BCAS3: variants seen among roughly 807,000 people sequenced by gnomAD.
The protein encoded by BCAS3 is BCAS3 microtubule associated cell migration factor.
Under a neutral mutation model 116.1 loss-of-function variants are expected in BCAS3, and 53 were observed. The ratio of observed to expected loss-of-function variants is 0.46; its 90% CI spans 0.37 to 0.57. The LOEUF (loss-of-function observed/expected upper bound fraction) is 0.57. Among genes scored for constraint, BCAS3 ranks in the 20% least tolerant of loss-of-function variants. The pLI, the probability that BCAS3 is intolerant of heterozygous loss-of-function variation, is 0.00. For missense variants in BCAS3, 917 were observed against 1,165.4 expected, an observed-to-expected ratio of 0.79 and a Z score of 3.10; for synonymous variants, 391 against 408.2, an observed-to-expected ratio of 0.96 and a Z score of 0.51.
At chr17:60,958,293 A>G (rs2061244010) in intron 14 of BCAS3, among the ~76,000 whole-genome samples, 1 of 152,360 alleles carries the variant, frequency 6.6e-6, no homozygotes, top group Non-Finnish European at 1.5e-5. Flanking sequence ...GGCAAGAGTA[A>G]AACTATCTTT....
At chr17:60,695,182 G>A (rs577124205) in intron 4 of BCAS3, among the ~76,000 whole-genome samples, 14 of 148,636 alleles carry the variant, frequency 9.4e-5, no homozygotes, top group Non-Finnish European at 1.6e-4. Flanking sequence ...GTGCAGTGGC[G>A]TGATCTCAGC....
intron 22 of BCAS3, among the ~76,000 whole-genome samples, chr17:61,328,971 C>T (rs555557952): frequency 1.8e-4 from 27 of 149,858 alleles, no homozygotes; most frequent in South Asian, 4.3e-4. Flanking sequence ...CTCAGCTCAC[C>T]GCAACCTCCG....
At chr17:60,844,014 G>A (rs2144772811) in intron 7 of BCAS3, among the ~76,000 whole-genome samples, 1 of 152,312 alleles carries the variant, frequency 6.6e-6, no homozygotes, top group African/African-American at 2.4e-5. Flanking sequence ...TTGTTGCCCA[G>A]TCTGGAATGC....
chr17:61,357,245 A>AAAATAAAT (rs142837090), intron 22 of BCAS3, among the ~76,000 whole-genome samples: 1 of 139,642 alleles, frequency 7.2e-6, no homozygotes, highest in African/African-American at 2.7e-5. Flanking sequence ...ATATCTACAA[A>AAAATAAAT]AAATAAATAA....
intron 12 of BCAS3, among the ~76,000 whole-genome samples, chr17:60,911,123 C>CTTTTTCT (rs2058479319): frequency 3.4e-5 from 3 of 88,256 alleles, no homozygotes; most frequent in African/African-American, 1.4e-4. Context: ...TTTTTTCTTT[C>CTTTTTCT]TTTTTTTTTT....
intron 22 of BCAS3, among the ~76,000 whole-genome samples, chr17:61,091,127 T>G (rs1471613317): frequency 6.6e-6 from 1 of 152,200 alleles, no homozygotes; most frequent in Non-Finnish European, 1.5e-5. Context: ...GACACATTGC[T>G]TCTTTGAATA....
intron 6 of BCAS3, among the ~76,000 whole-genome samples, chr17:60,805,951 C>T (rs2048238926): frequency 6.6e-6 from 1 of 151,018 alleles, no homozygotes; most frequent in Non-Finnish European, 1.5e-5. Context: ...TAACCTCTGC[C>T]TCCTGGGTTC....
chr17:61,029,510 A>T lies in BCAS3; in HGVS notation c.1638-5156A>T, dbSNP rs148706916. 6.6e-6 allele frequency among the ~76,000 whole-genome samples: 1 copy of T among 152,002 alleles called. No homozygotes were observed. The highest frequency in any genetic ancestry group is 1.5e-5 in the Non-Finnish European group (1 of 67,894). On this transcript the variant is annotated intron_variant, in intron 16 of 23. Coordinates refer to ENST00000407086, the MANE Select transcript of BCAS3 (RefSeq NM_017679.5). The surrounding 1 kb of genome is among the most constrained non-coding windows in gnomAD (Gnocchi z 5.2). The stretch of plus-strand genomic sequence containing the variant: ...ATAACATACTTTTTTAAACATAGGA[A>T]TTTAAGATAAATAATCCCAGTGTGA...
chr17:61,254,777 G>GAAAAAAAAAAAAA (rs61471068), intron 22 of BCAS3, among the ~76,000 whole-genome samples: 60,552 of 73,466 alleles, frequency 0.82, 27,187 homozygotes, highest in East Asian at 0.95. Flanking sequence ...CTCCGTCTCA[G>GAAAAAAAAAAAAA]AAAAAAAAAA....
intron 13 of BCAS3, among the ~76,000 whole-genome samples, chr17:60,927,869 TAAC>T (rs2059444326): frequency 1.3e-5 from 2 of 152,130 alleles, no homozygotes; most frequent in Non-Finnish European, 2.9e-5. Flanking sequence ...TTTAATATAT[TAAC>T]AAAAAAGCCC....
chr17:60,794,496 G>T (rs1189761428), intron 6 of BCAS3, among the ~76,000 whole-genome samples: 1 of 152,134 alleles, frequency 6.6e-6, no homozygotes, highest in Non-Finnish European at 1.5e-5. Flanking sequence ...TGTCTAGAAG[G>T]GTTTTTCCAA....
intron 5 of BCAS3, among the ~76,000 whole-genome samples, chr17:60,729,751 T>C (rs926062288): frequency 2.6e-5 from 4 of 152,176 alleles, no homozygotes; most frequent in African/African-American, 7.2e-5. Context: ...GAACCAAAAT[T>C]GGTTTATCTG....
rs1032950776 is a variant in BCAS3, at chr17:61,140,370, G to A, written c.2425+55806G>A. On this transcript the variant is annotated intron_variant, in intron 22 of 23. Transcript: ENST00000407086. This position sits in a 1 kb window ranked among gnomAD's most constrained non-coding sequence, Gnocchi z 4.2. ...AAGATCCAACTGTCAAGGAAGGTTAGGACCAGACTCTGAAAGTAGAGTGCT... is the reference window on the plus strand; with the variant it reads ...AAGATCCAACTGTCAAGGAAGGTTAAGACCAGACTCTGAAAGTAGAGTGCT... 6.6e-6 allele frequency among the ~76,000 whole-genome samples: 1 copy of A among 152,234 alleles called. No individual in the cohort carries two copies. The highest frequency in any genetic ancestry group is 2.1e-4 in the South Asian group (1 of 4,832).
intron 15 of BCAS3, among the ~76,000 whole-genome samples, chr17:61,011,576 C>G (rs1211533414): frequency 6.6e-6 from 1 of 152,064 alleles, no homozygotes; most frequent in Non-Finnish European, 1.5e-5. Flanking sequence ...GTATTTTTCT[C>G]TACCTCCTGG....
chr17:60,933,719 C>T (rs892119112), intron 13 of BCAS3, among the ~76,000 whole-genome samples: 11 of 152,168 alleles, frequency 7.2e-5, no homozygotes, highest in African/African-American at 2.2e-4. Context: ...TTTTTAACAT[C>T]TATAATGCAT....
At chr17:61,062,405 A>T (rs1311959559) in intron 19 of BCAS3, among the ~76,000 whole-genome samples, 2 of 152,222 alleles carry the variant, frequency 1.3e-5, no homozygotes, top group Non-Finnish European at 2.9e-5. Flanking sequence ...TGATAAGACA[A>T]CAGTTGTTAT....
At chr17:60,754,724 CACACACACACACACACAGAG>C (rs2042837489) in intron 6 of BCAS3, among the ~76,000 whole-genome samples, 1 of 11,520 alleles carries the variant, frequency 8.7e-5, no homozygotes, top group African/African-American at 9.9e-5. Flanking sequence ...CACACACACA[CACACACACACACACACAGAG>C]TCTGTTCAGC....
At chr17:60,685,875 C>CTT (rs1555657079) in intron 3 of BCAS3, among the ~76,000 whole-genome samples, 14 of 151,662 alleles carry the variant, frequency 9.2e-5, no homozygotes, top group African/African-American at 3.1e-4. Flanking sequence ...TTATATTAGA[C>CTT]ATTTTTTTTT....
intron 11 of BCAS3, among the ~76,000 whole-genome samples, chr17:60,903,631 C>A (rs1046533364): frequency 1.4e-4 from 21 of 152,062 alleles, no homozygotes; most frequent in African/African-American, 5.1e-4. Flanking sequence ...CAGGGTTTTG[C>A]CATGTTACGC....
Sources: gnomAD v4.1 joint callset for allele counts (sites outside exome capture counted in the v4.1 genomes callset) on GRCh38, gnomAD v4.1.1 for gene constraint, Gnocchi (gnomAD v3.1) non-coding constraint, MANE v1.5 for transcripts, NCBI Gene and HGNC (gene_info 2026-07-23, HGNC 2026-07-21) for gene names.